SYN2: variants seen among roughly 807,000 people sequenced by gnomAD.
SYN2 encodes synapsin II.
In SYN2, 19 loss-of-function variants were observed where a neutral mutation model predicts 50.9. The ratio of observed to expected loss-of-function variants is 0.37; its 90% CI spans 0.26 to 0.55. The LOEUF (loss-of-function observed/expected upper bound fraction) is 0.55. SYN2 is among the 20% of genes least tolerant of loss of function. The pLI is 0.81. For missense variants in SYN2, 587 were observed against 576.4 expected (o/e 1.02, Z -0.19); for synonymous variants, 255 against 224.9 (o/e 1.13, Z -1.20).
At chr3:12,156,065 C>T (rs1298717488) in intron 5 of SYN2, among the ~76,000 whole-genome samples, 1 of 152,242 alleles carries the variant, frequency 6.6e-6, no homozygotes, top group African/African-American at 2.4e-5. Context: ...TACTGAATCT[C>T]CACTCTCCTG....
chr3:12,076,393 C>T (rs1695468352), intron 1 of SYN2, among the ~76,000 whole-genome samples: 1 of 151,910 alleles, frequency 6.6e-6, no homozygotes, highest in Non-Finnish European at 1.5e-5. Context: ...AATTATATTT[C>T]TTTTCTCAGG....
intron 1 of SYN2, among the ~76,000 whole-genome samples, chr3:12,108,228 A>G (rs1211128812): frequency 6.6e-6 from 1 of 152,154 alleles, no homozygotes; most frequent in Non-Finnish European, 1.5e-5. Flanking sequence ...AACAAAAAGA[A>G]GTAAGACCAA....
At chr3:12,022,901 A>T (rs1352215160) in intron 1 of SYN2, among the ~76,000 whole-genome samples, 1 of 138,814 alleles carries the variant, frequency 7.2e-6, no homozygotes, top group East Asian at 2.1e-4. Context: ...CAGGTAACAT[A>T]CTGGAGATTA....
intron 1 of SYN2, among the ~76,000 whole-genome samples, chr3:12,122,077 C>A (rs1194766197): frequency 2.0e-5 from 3 of 152,192 alleles, no homozygotes; most frequent in South Asian, 2.1e-4. Context: ...ATTATCACAT[C>A]TACACAGTAT....
chr3:12,045,699 C>A (rs1183572193), intron 1 of SYN2, among the ~76,000 whole-genome samples: 1 of 152,176 alleles, frequency 6.6e-6, no homozygotes, highest in East Asian at 1.9e-4. Flanking sequence ...TTTGCCCCTA[C>A]AATCTCCACC....
intron 1 of SYN2, among the ~76,000 whole-genome samples, chr3:12,013,051 T>A (rs1035395575): frequency 2.0e-5 from 3 of 152,260 alleles, no homozygotes; most frequent in Non-Finnish European, 2.9e-5. Flanking sequence ...GTGTCAAATG[T>A]TCACTGATGT....
intron 1 of SYN2, among the ~76,000 whole-genome samples, chr3:12,028,383 A>G (rs962528032): frequency 6.8e-6 from 1 of 147,874 alleles, no homozygotes; most frequent in Non-Finnish European, 1.5e-5. Flanking sequence ...TCATTTGGGT[A>G]TATACCCAGT....
chr3:12,099,468 A>G (rs982758687), intron 1 of SYN2, among the ~76,000 whole-genome samples: 1 of 152,220 alleles, frequency 6.6e-6, no homozygotes, highest in Non-Finnish European at 1.5e-5. Context: ...CCAATGAGTC[A>G]AAGCAGGGAA....
intron 3 of SYN2, 21 bp downstream of exon 3, chr3:12,142,017 AG>A: frequency 1.3e-6 from 1 of 780,492 alleles, no homozygotes; most frequent in South Asian, 1.3e-5. Context: ...TTCTGTCCTC[AG>A]GATCATTGTG....
At chr3:12,167,585 C>A (rs892737215) in intron 8 of SYN2, among the ~76,000 whole-genome samples, 1 of 151,750 alleles carries the variant, frequency 6.6e-6, no homozygotes, top group African/African-American at 2.4e-5. Flanking sequence ...TCTGCAGAAC[C>A]ATGAGCCAAA....
chr3:12,130,437 A>G (rs1696770833), intron 1 of SYN2, among the ~76,000 whole-genome samples: 2 of 152,126 alleles, frequency 1.3e-5, no homozygotes, highest in Non-Finnish European at 2.9e-5. Flanking sequence ...GAGAAAAGCT[A>G]TGTCCTTGCT....
chr3:12,128,715 C>G (rs1324023721), intron 1 of SYN2, among the ~76,000 whole-genome samples: 2 of 151,992 alleles, frequency 1.3e-5, no homozygotes, highest in Non-Finnish European at 2.9e-5. Flanking sequence ...AATGCCTGAC[C>G]AGCATTAAAA....
At chr3:12,051,633 A>G (rs897787543) in intron 1 of SYN2, among the ~76,000 whole-genome samples, 2 of 152,200 alleles carry the variant, frequency 1.3e-5, no homozygotes, top group Non-Finnish European at 2.9e-5. Context: ...GCTAATCTCT[A>G]AACTTCAAGT....
chr3:12,045,835 G>A (rs1271901498), intron 1 of SYN2, among the ~76,000 whole-genome samples: 9 of 152,194 alleles, frequency 5.9e-5, no homozygotes, highest in South Asian at 2.1e-4. Flanking sequence ...TGAATCTGGC[G>A]GAGTTAAGAA....
intron 9 of SYN2, among the ~76,000 whole-genome samples, chr3:12,169,438 G>C (rs184292905): frequency 6.6e-6 from 1 of 152,194 alleles, no homozygotes; most frequent in Non-Finnish European, 1.5e-5. Flanking sequence ...GTGCTCCCCT[G>C]CCTGCAAACT....
At chr3:12,067,619 A>G (rs1695243513) in intron 1 of SYN2, among the ~76,000 whole-genome samples, 1 of 150,420 alleles carries the variant, frequency 6.6e-6, no homozygotes, top group African/African-American at 2.4e-5. Flanking sequence ...TTAACCAGAA[A>G]AAAAAAAAAA....
At chr3:12,077,535 T>C (rs1695496115) in intron 1 of SYN2, among the ~76,000 whole-genome samples, 1 of 150,686 alleles carries the variant, frequency 6.6e-6, no homozygotes, top group Non-Finnish European at 1.5e-5. Flanking sequence ...ATGTTCTCAT[T>C]GTTCAGCTTC....
intron 1 of SYN2, among the ~76,000 whole-genome samples, chr3:12,136,782 G>A (rs1696903405): frequency 6.6e-6 from 1 of 152,160 alleles, no homozygotes; most frequent in East Asian, 1.9e-4. Context: ...AACTTACATA[G>A]ATCCTCAGCT....
chr3:12,050,340 ATTT>A lies in SYN2; in HGVS notation c.377+45432_377+45434del, dbSNP rs397877649. 1.5e-3 allele frequency among the ~76,000 whole-genome samples: 172 copies of A among 113,304 alleles called. 1 individual carries two copies. Among genetic ancestry groups the A allele is most frequent in the East Asian group, 0.011 (41 of 3,704 alleles). 74.3% of individuals were successfully genotyped at this position (113,304 alleles called of 152,430 possible). On this transcript the variant is annotated intron_variant, in intron 1 of 12. Coordinates refer to ENST00000621198, the MANE Select transcript of SYN2 (RefSeq NM_133625.6). ...CCAGGAATGGCTCCAGTTTGGAATGATTTTTTTTTTTTTTTTTTTTTTGGAGAT... is the reference window on the plus strand; with the variant it reads ...CCAGGAATGGCTCCAGTTTGGAATGATTTTTTTTTTTTTTTTTTTGGAGAT...
Sources: allele counts gnomAD v4.1 joint callset (sites outside exome capture counted in the v4.1 genomes callset), GRCh38; gene constraint gnomAD v4.1.1; transcripts MANE v1.5; gene names NCBI Gene and HGNC (gene_info 2026-07-23, HGNC 2026-07-21).